Variants in TSPAN12 observed in about 807,000 individuals in gnomAD.
The protein encoded by TSPAN12 is tetraspanin 12, also known as tetraspanin-12.
A neutral mutation model predicts 39.2 loss-of-function variants in TSPAN12; 19 were observed. That is an observed-to-expected ratio of 0.49 (90% CI 0.34 to 0.71). TSPAN12 has a LOEUF of 0.71. TSPAN12 is among the 30% of genes least tolerant of loss of function. The pLI is 0.01. For synonymous variants in TSPAN12, 119 were observed against 124.8 expected (o/e 0.95, Z 0.31); for missense variants, 314 against 359.9 (o/e 0.87, Z 1.03).
intron 4 of TSPAN12, among the ~76,000 whole-genome samples, chr7:120,826,316 A>G (rs1380317238): frequency 6.6e-6 from 1 of 152,196 alleles, no homozygotes; most frequent in Non-Finnish European, 1.5e-5. Flanking sequence ...TCCCAGGGTC[A>G]ATGATGTACA....
At chr7:120,789,136 A>G (rs1387137166) in intron 7 of TSPAN12, among the ~76,000 whole-genome samples, 1 of 152,126 alleles carries the variant, frequency 6.6e-6, no homozygotes, top group Non-Finnish European at 1.5e-5. Flanking sequence ...CTTTCTCAAA[A>G]CCTGAAATTG....
At chr7:120,831,142 G>A (rs973219531) in intron 4 of TSPAN12, among the ~76,000 whole-genome samples, 4 of 151,910 alleles carry the variant, frequency 2.6e-5, no homozygotes, top group African/African-American at 9.7e-5. Context: ...AAAGACAAAA[G>A]ATAACAAATG....
intron 2 of TSPAN12, among the ~76,000 whole-genome samples, chr7:120,850,225 GT>G (rs1486882183): frequency 6.6e-6 from 1 of 152,192 alleles, no homozygotes; most frequent in Non-Finnish European, 1.5e-5. Context: ...CTGACCGATA[GT>G]TTTTCTAGAC....
In TSPAN12 at chr7:120,800,519, C is replaced by T. The variant is rs890997402; in HGVS notation, c.612+6030G>A. 5.9e-5 allele frequency among the ~76,000 whole-genome samples: 9 copies of T among 152,004 alleles called. No individual in the cohort carries two copies. The East Asian group carries it at 1.2e-3, about 20-fold the overall frequency. On this transcript the variant is annotated intron_variant, in intron 7 of 7. Transcript: ENST00000222747. ...TGATCACCCTGGCCTGCCTTCAGTACGAATCTTGTTAGGTAAGGTTTGATA... is the reference window on the plus strand; with the variant it reads ...TGATCACCCTGGCCTGCCTTCAGTATGAATCTTGTTAGGTAAGGTTTGATA...
intron 4 of TSPAN12, among the ~76,000 whole-genome samples, chr7:120,829,248 GAA>G (rs2116432360): frequency 6.6e-6 from 1 of 152,168 alleles, no homozygotes; most frequent in Non-Finnish European, 1.5e-5. Context: ...CTGAAAAAAG[GAA>G]AAGACACATG....
Position 120,806,537 on chromosome 7 carries a change from A to G in TSPAN12, c.612+12T>C. On this transcript the variant is annotated intron_variant, in intron 7 of 7. Transcript: ENST00000222747. ...CATTTATCCATAATAAATTAACCAT[A>G]TATGGCCTCACCTCTTGATAAAGGT... The G allele has an allele frequency of 6.2e-7, 1 of 1,612,904 alleles. No individual in the cohort carries two copies. Among genetic ancestry groups the G allele is most frequent in the Non-Finnish European group, 8.5e-7 (1 of 1,179,086 alleles).
At chr7:120,814,796 A>G (rs1181316980) in intron 5 of TSPAN12, among the ~76,000 whole-genome samples, 1 of 152,212 alleles carries the variant, frequency 6.6e-6, no homozygotes, top group African/African-American at 2.4e-5. Context: ...TAAAAGATAA[A>G]AAAATGATGA....
chr7:120,853,519 T>C (rs1794810499), intron 2 of TSPAN12, among the ~76,000 whole-genome samples: 1 of 148,736 alleles, frequency 6.7e-6, no homozygotes, highest in East Asian at 1.9e-4. Context: ...TATTTAGACA[T>C]ATATTTATAT....
chr7:120,839,814 T>C (rs978003743), intron 3 of TSPAN12, among the ~76,000 whole-genome samples: 1 of 152,138 alleles, frequency 6.6e-6, no homozygotes, highest in African/African-American at 2.4e-5. Context: ...CCCAGAAATG[T>C]CTGTATAAAC....
intron 2 of TSPAN12, among the ~76,000 whole-genome samples, chr7:120,844,183 G>A (rs758389726): frequency 1.2e-4 from 18 of 152,050 alleles, no homozygotes; most frequent in Admixed American, 2.0e-4. Context: ...GGGAAAGTCC[G>A]TCTCCATGAT....
chr7:120,814,071 G>A, intron 5 of TSPAN12: 1 of 380,972 alleles, frequency 2.6e-6, no homozygotes. Context: ...GTGTGCCAAA[G>A]CACCACTGAC....
chr7:120,852,107 A>C (rs1794779830), intron 2 of TSPAN12, among the ~76,000 whole-genome samples: 1 of 152,206 alleles, frequency 6.6e-6, no homozygotes, highest in Non-Finnish European at 1.5e-5. Flanking sequence ...CTTAAAAAAA[A>C]AACTCTCAGT....
intron 2 of TSPAN12, among the ~76,000 whole-genome samples, chr7:120,844,237 C>A (rs1015477895): frequency 3.9e-5 from 6 of 152,198 alleles, no homozygotes; most frequent in Non-Finnish European, 8.8e-5. Flanking sequence ...CTGAGGATCA[C>A]AATTCGACAT....
chr7:120,804,785 T>C (rs1793837672), intron 7 of TSPAN12, among the ~76,000 whole-genome samples: 1 of 152,106 alleles, frequency 6.6e-6, no homozygotes, highest in Non-Finnish European at 1.5e-5. Context: ...AGTGGGCCCC[T>C]TGTCCAATAT....
At chr7:120,804,861 T>C (rs1196447465) in intron 7 of TSPAN12, among the ~76,000 whole-genome samples, 2 of 152,022 alleles carry the variant, frequency 1.3e-5, no homozygotes, top group Non-Finnish European at 2.9e-5. Context: ...CATGTGAAGA[T>C]GAAACAGATC....
At chr7:120,833,930 T>C (rs1177686903) in intron 4 of TSPAN12, among the ~76,000 whole-genome samples, 1 of 152,182 alleles carries the variant, frequency 6.6e-6, no homozygotes, top group Non-Finnish European at 1.5e-5. Context: ...CAATTTAGCT[T>C]CACTTTCTCT....
intron 4 of TSPAN12, among the ~76,000 whole-genome samples, chr7:120,834,523 CTGT>C (rs1282197336): frequency 6.6e-6 from 1 of 152,128 alleles, no homozygotes; most frequent in East Asian, 1.9e-4. Context: ...CTTGATCAGT[CTGT>C]TGAATAATGG....
rs912699056 is a variant in TSPAN12 at position 120,787,964 on chromosome 7, C to T, written c.*628G>A. On this transcript the variant is annotated 3_prime_UTR_variant, in exon 8 of 8. Transcript: ENST00000222747. ...TTCTTAACATTATCAGAACTGAAAT[C>T]GACTGAATTATACAGATTTAACACA... The T allele has an allele frequency of 1.3e-4, 20 of 153,080 alleles. No homozygotes were observed. Among genetic ancestry groups the T allele is most frequent in the African/African-American group, 4.3e-4 (18 of 41,388 alleles). 9.5% of individuals were successfully genotyped at this position (153,080 alleles called of 1,614,324 possible).
chr7:120,808,284 G>A (rs552774954), intron 6 of TSPAN12, among the ~76,000 whole-genome samples: 63 of 152,192 alleles, frequency 4.1e-4, no homozygotes, highest in African/African-American at 1.5e-3. Flanking sequence ...ACGATGCTCA[G>A]TGCTGAACTT....
Sources: gnomAD v4.1 joint callset for allele counts (sites outside exome capture counted in the v4.1 genomes callset) on GRCh38, gnomAD v4.1.1 for gene constraint, MANE v1.5 for transcripts, NCBI Gene and HGNC (gene_info 2026-07-23, HGNC 2026-07-21) for gene names.